Variants in CACNA1C observed in about 807,000 individuals in gnomAD.
CACNA1C encodes voltage-dependent L-type calcium channel subunit alpha-1C.
A neutral mutation model predicts 229.0 loss-of-function variants in CACNA1C; 30 were observed. The observed-to-expected ratio is 0.13, with a 90% CI of 0.10 to 0.18. The LOEUF (loss-of-function observed/expected upper bound fraction) is 0.18. Among genes scored for constraint, CACNA1C ranks in the 10% least tolerant of loss-of-function variants. CACNA1C has a pLI of 1.00. For synonymous variants in CACNA1C, 1,114 were observed against 1,132.5 expected (o/e 0.98, Z 0.33); for missense variants, 1,658 against 2,845.0 (o/e 0.58, Z 9.49).
chr12:2,679,471 G>A lies in CACNA1C; in HGVS notation c.5119G>A (p.Val1707Ile), dbSNP rs147896322. Residue 1707 changes from valine to isoleucine, a missense_variant, in exon 42 of 47, where the codon GTC becomes ATC. Coordinates refer to ENST00000399655, the MANE Select transcript of CACNA1C (RefSeq NM_000719.7). The surrounding 1 kb of genome is among the most constrained non-coding windows in gnomAD (Gnocchi z 5.5). ...GGCCGGTGGCCTGTTCGGCAACCAC[G>A]TCAGCTACTACCAAAGCGACGGCCG... is the stretch of plus-strand genomic sequence containing the variant. Reference protein sequence around the residue: ...RRAGGLFGNHVSYYQSDGRSA... With the variant: ...RRAGGLFGNHISYYQSDGRSA... 337 of 1,591,000 alleles carry A rather than the reference G, an allele frequency of 2.1e-4. 1 individual carries two copies. The Middle Eastern group carries it at 4.9e-3, about 23-fold the overall frequency.
At chr12:2,511,036 T>A (rs1383193560) in intron 8 of CACNA1C, among the ~76,000 whole-genome samples, 2 of 152,106 alleles carry the variant, frequency 1.3e-5, no homozygotes, top group Non-Finnish European at 2.9e-5. Context: ...CCCTTTTCCC[T>A]AGCATAAAAG....
intron 3 of CACNA1C, among the ~76,000 whole-genome samples, chr12:2,290,614 T>C (rs994042881): frequency 6.6e-6 from 1 of 152,160 alleles, no homozygotes; most frequent in Non-Finnish European, 1.5e-5. Context: ...ACGTGATTAA[T>C]TGTACTGTCC....
At chr12:2,537,031 G>A (rs550266127) in intron 9 of CACNA1C, among the ~76,000 whole-genome samples, 8 of 152,222 alleles carry the variant, frequency 5.3e-5, no homozygotes, top group Non-Finnish European at 7.4e-5. Context: ...TCCTAACCAC[G>A]CTGCCTGCTG....
chr12:1,986,699 G>A (rs888509490), intron 1 of CACNA1C, among the ~76,000 whole-genome samples: 4 of 151,870 alleles, frequency 2.6e-5, no homozygotes, highest in South Asian at 2.1e-4. Flanking sequence ...GTGACTTGGC[G>A]CATTCTTGGG....
intron 3 of CACNA1C, among the ~76,000 whole-genome samples, chr12:2,416,416 G>GA (rs2098902694): frequency 6.6e-6 from 1 of 151,992 alleles, no homozygotes; most frequent in Non-Finnish European, 1.5e-5. Flanking sequence ...AAGGGAGGAA[G>GA]AAAAAAGAGA....
chr12:2,201,313 C>T (rs1432765570), intron 3 of CACNA1C, among the ~76,000 whole-genome samples: 2 of 152,202 alleles, frequency 1.3e-5, no homozygotes, highest in Non-Finnish European at 1.5e-5. Context: ...ACTTTAATTT[C>T]CTCAATAATA....
chr12:2,464,299 T>C (rs1047913131), intron 5 of CACNA1C, among the ~76,000 whole-genome samples: 1 of 152,166 alleles, frequency 6.6e-6, no homozygotes, highest in African/African-American at 2.4e-5. Flanking sequence ...CAGAGGTAGA[T>C]AGTGCACTCC....
In CACNA1C at chr12:2,695,265, C is replaced by T. The variant is rs894029188; in HGVS notation, c.*4066C>T. On this transcript the variant is annotated 3_prime_UTR_variant, in exon 47 of 47. Coordinates refer to ENST00000399655, the MANE Select transcript of CACNA1C (RefSeq NM_000719.7). The stretch of plus-strand genomic sequence containing the variant: ...GAAGGATGTGTTCAGCTTACCCACC[C>T]ACAGTGACCAGTGTGGTGGAGCCGC... 4 of 152,256 alleles carry T rather than the reference C, an allele frequency of 2.6e-5. No individual in the cohort carries two copies. Among genetic ancestry groups the T allele is most frequent in the East Asian group, 3.8e-4 (2 of 5,196 alleles). The allele number at this position is 152,256 out of a possible 1,614,324, so 9.4% of individuals were successfully genotyped here. A position where few individuals can be genotyped will look rare whatever the true frequency, so the allele number is the denominator to read the frequency against.
At chr12:2,527,072 C>T (rs1355139334) in intron 9 of CACNA1C, among the ~76,000 whole-genome samples, 1 of 152,106 alleles carries the variant, frequency 6.6e-6, no homozygotes, top group East Asian at 1.9e-4. Flanking sequence ...TTTTATTCTA[C>T]AAGAAAGTAA....
chr12:2,212,314 C>G (rs143695340), intron 3 of CACNA1C, among the ~76,000 whole-genome samples: 1 of 152,106 alleles, frequency 6.6e-6, no homozygotes, highest in Non-Finnish European at 1.5e-5. Flanking sequence ...GGAAAGAAAC[C>G]GGGAATCCAG....
In CACNA1C at chr12:2,692,708, T is replaced by G. The variant is rs1191051538; in HGVS notation, c.*1509T>G. 1 of 152,694 alleles carries G rather than the reference T, an allele frequency of 6.5e-6. No homozygotes were observed. The highest frequency in any genetic ancestry group is 1.5e-5 in the Non-Finnish European group (1 of 68,050). 9.5% of individuals were successfully genotyped at this position (152,694 alleles called of 1,614,324 possible). On this transcript the variant is annotated 3_prime_UTR_variant, in exon 47 of 47. Transcript: ENST00000399655. ...AAGGGAAAAACACAAGAAGGCATTTTGCTTCAATATATTCCGTGTAATGTT... is the reference window on the plus strand; with the variant it reads ...AAGGGAAAAACACAAGAAGGCATTTGGCTTCAATATATTCCGTGTAATGTT...
chr12:2,655,369 T>C, intron 34 of CACNA1C, 131 bp downstream of exon 34: 1 of 597,326 alleles, frequency 1.7e-6, no homozygotes, highest in Non-Finnish European at 2.9e-6. Context: ...GCTTGCTCTC[T>C]GCCTGACAAG....
chr12:2,092,390 T>G (rs537457015), intron 1 of CACNA1C, among the ~76,000 whole-genome samples: 54 of 152,374 alleles, frequency 3.5e-4, no homozygotes, highest in Non-Finnish European at 5.7e-4. Flanking sequence ...GCCAGCCAGA[T>G]GGAAGATGTG....
Position 2,597,200 on chromosome 12 carries a change from A to C in CACNA1C, c.2794-30A>C. The C allele has an allele frequency of 6.9e-7, 1 of 1,451,050 alleles. No individual in the cohort carries two copies. The allele number at this position is 1,451,050 out of a possible 1,614,324, so 89.9% of individuals were successfully genotyped here. ...CCTGCTTTTCTCCCTTCCCCATCCC[A>C]TCCCCACCCTGTTCCTTTTTGTTTT... On this transcript the variant is annotated intron_variant, in intron 20 of 46. Transcript: ENST00000399655. The surrounding 1 kb of genome is among the most constrained non-coding windows in gnomAD (Gnocchi z 4.3).
At chr12:2,400,437 C>T (rs887195545) in intron 3 of CACNA1C, among the ~76,000 whole-genome samples, 9 of 152,258 alleles carry the variant, frequency 5.9e-5, no homozygotes, top group Non-Finnish European at 1.3e-4. Flanking sequence ...TCAAAGCATG[C>T]GATCAGAGTC....
In CACNA1C at chr12:2,158,734, A is replaced by G. The variant is rs151198644; in HGVS notation, c.477+38304A>G. Among the ~76,000 whole-genome samples the G allele has an allele frequency of 2.6e-5, 4 of 152,278 alleles. 1 individual carries two copies. The highest frequency in any genetic ancestry group is 9.6e-5 in the African/African-American group (4 of 41,550). On this transcript the variant is annotated intron_variant, in intron 3 of 46. Coordinates refer to ENST00000399655, the MANE Select transcript of CACNA1C (RefSeq NM_000719.7). ...AAAAGAGAAACATTTTCAGATAGGT[A>G]AAAATATAAAACAAAAAGAAAAAAA...
chr12:2,430,233 G>A (rs183129332), intron 3 of CACNA1C, among the ~76,000 whole-genome samples: 22 of 152,232 alleles, frequency 1.4e-4, no homozygotes, highest in Admixed American at 1.4e-3. Flanking sequence ...TTGGGGGTTA[G>A]GATTTCAACA....
chr12:1,982,012 T>C (rs981694383), intron 1 of CACNA1C, among the ~76,000 whole-genome samples: 6 of 152,176 alleles, frequency 3.9e-5, no homozygotes, highest in African/African-American at 1.4e-4. Flanking sequence ...ACAGCCAGCT[T>C]TAAATGTTAG....
intron 5 of CACNA1C, among the ~76,000 whole-genome samples, chr12:2,477,762 C>A (rs1250097953): frequency 1.3e-5 from 2 of 152,186 alleles, no homozygotes; most frequent in Non-Finnish European, 2.9e-5. Context: ...TGTAACCACT[C>A]TTTCCACTTG....
Sources: allele counts gnomAD v4.1 joint callset (sites outside exome capture counted in the v4.1 genomes callset), GRCh38; gene constraint gnomAD v4.1.1; non-coding constraint Gnocchi (gnomAD v3.1); transcripts MANE v1.5; gene names NCBI Gene and HGNC (gene_info 2026-07-23, HGNC 2026-07-21).